DGKZ: variants seen among roughly 807,000 people sequenced by gnomAD.
The protein encoded by DGKZ is DAG kinase zeta.
In DGKZ, 45 loss-of-function variants were observed where a neutral mutation model predicts 142.5. The observed-to-expected ratio is 0.32, with a 90% CI of 0.25 to 0.40. The LOEUF is 0.40. Among genes scored for constraint, DGKZ ranks in the 10% least tolerant of loss-of-function variants. The pLI is 1.00. For missense variants in DGKZ, 755 were observed against 1,306.5 expected (o/e 0.58, Z 6.51); for synonymous variants, 442 against 527.0 (o/e 0.84, Z 2.21).
intron 1 of DGKZ, among the ~76,000 whole-genome samples, chr11:46,355,635 C>G (rs1273132415): frequency 6.6e-6 from 1 of 151,810 alleles, no homozygotes; most frequent in Non-Finnish European, 1.5e-5. Flanking sequence ...CTGTGAAGGC[C>G]TTTGTCCCCT....
At chr11:46,371,969 C>A (rs1035305194) in intron 9 of DGKZ, 106 bp from the exon 10 acceptor site, 23 of 1,266,224 alleles carry the variant, frequency 1.8e-5, no homozygotes, top group Non-Finnish European at 2.6e-5. Flanking sequence ...AGAGATGGTA[C>A]GTGAGGGTAC....
At position 46,366,726 on chromosome 11, in the gene DGKZ, G is replaced by A. The variant is rs577494020; in HGVS notation, c.162-565G>A. 41 of 1,553,732 alleles carry A rather than the reference G, an allele frequency of 2.6e-5. 1 individual carries two copies. The highest frequency in any genetic ancestry group is 9.7e-5 in the Admixed American group (5 of 51,468). On this transcript the variant is annotated intron_variant, in intron 1 of 30. Coordinates refer to ENST00000527911, the Ensembl canonical transcript of DGKZ. ...GCCCAGCCGCTGTTGCCCCTACCCC[G>A]CTACCTGCGCCGAGCCTCCTCCCAC... is the stretch of plus-strand genomic sequence containing the variant.
rs1943408509 is a variant in DGKZ at position 46,367,207 on chromosome 11, G to A, written c.162-84G>A. The A allele has an allele frequency of 8.0e-6, 11 of 1,381,302 alleles. No individual in the cohort carries two copies. The highest frequency in any genetic ancestry group is 2.0e-5 in the Admixed American group (1 of 51,034). 85.6% of individuals were successfully genotyped at this position (1,381,302 alleles called of 1,614,324 possible). ...CCGCCCTCCCTGTTGCCGAGGTCAC[G>A]GAAAGGGCAGAGGCCCCAGGAGGTG... On this transcript the variant is annotated intron_variant, in intron 1 of 30. Transcript: ENST00000527911. This position sits in a 1 kb window ranked among gnomAD's most constrained non-coding sequence, Gnocchi z 4.1.
chr11:46,364,643 G>T (rs1475534210), intron 1 of DGKZ: 2 of 985,298 alleles, frequency 2.0e-6, no homozygotes, highest in Non-Finnish European at 2.4e-6. Context: ...CCTGTACCTG[G>T]CCTGAAGCTG....
At chr11:46,362,509 TAGGCCCTGCC>T (rs1015779528) in intron 1 of DGKZ, among the ~76,000 whole-genome samples, 3 of 152,100 alleles carry the variant, frequency 2.0e-5, no homozygotes, top group Non-Finnish European at 2.9e-5. Flanking sequence ...ATGGTGGGTG[TAGGCCCTGCC>T]AGGCCCTGCT....
intron 14 of DGKZ, among the ~76,000 whole-genome samples, chr11:46,373,591 G>A (rs553578942): frequency 2.0e-4 from 30 of 150,440 alleles, no homozygotes; most frequent in South Asian, 1.7e-3. Flanking sequence ...TCTGCCTCCC[G>A]GGCTCAAGCT....
exon 31 of DGKZ, chr11:46,379,960 G>A (rs763001808): frequency 1.1e-5 from 18 of 1,596,278 alleles, no homozygotes; most frequent in Non-Finnish European, 1.4e-5. Context: ...GGCCGCCCAC[G>A]GGCAGCAGGA....
At position 46,367,894 on chromosome 11, in the gene DGKZ, C is replaced by CCGGTG; in HGVS notation, c.367-107_367-106insGGTGC. ...GGGGTGCAGGGGCTTTGTCCGGATG[C>CCGGTG]CAGGACTGGGGCTTCCCAGTGCACA... On this transcript the variant is annotated intron_variant, in intron 3 of 30. Coordinates refer to ENST00000527911, the Ensembl canonical transcript of DGKZ. This position sits in a 1 kb window ranked among gnomAD's most constrained non-coding sequence, Gnocchi z 4.1. 1 of 1,519,504 alleles carries CCGGTG rather than the reference C, an allele frequency of 6.6e-7. No individual in the cohort carries two copies. Among genetic ancestry groups the CCGGTG allele is most frequent in the Non-Finnish European group, 9.1e-7 (1 of 1,096,326 alleles). 94.1% of individuals were successfully genotyped at this position (1,519,504 alleles called of 1,614,324 possible). A position where few individuals can be genotyped will look rare whatever the true frequency, so the allele number is the denominator to read the frequency against.
intron 25 of DGKZ, 101 bp from the exon 26 acceptor site, chr11:46,378,097 A>G (rs1336110340): frequency 2.3e-5 from 34 of 1,457,240 alleles, no homozygotes; most frequent in Non-Finnish European, 3.0e-5. Context: ...CAGGCACTCA[A>G]TAAACTGTGG....
At chr11:46,343,117 C>G (rs578194833), upstream of DGKZ, among the ~76,000 whole-genome samples, 5 of 149,354 alleles carry the variant, frequency 3.3e-5, no homozygotes, top group African/African-American at 9.9e-5. Flanking sequence ...GAGTGAGGCT[C>G]AGTCTCAAAA....
intron 5 of DGKZ, 103 bp downstream of exon 5, chr11:46,369,653 GC>G: frequency 6.9e-7 from 1 of 1,458,152 alleles, no homozygotes; most frequent in Non-Finnish European, 9.6e-7. Context: ...CTCCCTCTAG[GC>G]TGCTGCTCAC....
At chr11:46,364,941 G>A in intron 1 of DGKZ, 2 of 985,468 alleles carry the variant, frequency 2.0e-6, no homozygotes, top group Non-Finnish European at 2.4e-6. Flanking sequence ...CCCAGGACCA[G>A]GGCCCAGGAG....
upstream of DGKZ, among the ~76,000 whole-genome samples, chr11:46,342,992 C>T (rs1181521192): frequency 1.3e-5 from 2 of 152,052 alleles, no homozygotes; most frequent in African/African-American, 2.4e-5. Context: ...GGCATGGTAG[C>T]GCACGCCTGT....
At chr11:46,352,334 G>C (rs1273153578) in intron 1 of DGKZ, among the ~76,000 whole-genome samples, 2 of 152,224 alleles carry the variant, frequency 1.3e-5, no homozygotes, top group Admixed American at 1.3e-4. Context: ...TGGGAGGCCG[G>C]TGGGCGAGGA....
Position 46,369,929 on chromosome 11 carries a change from C to T in DGKZ, c.502-12C>T. 1 of 1,613,940 alleles carries T rather than the reference C, an allele frequency of 6.2e-7. No homozygotes were observed. Among genetic ancestry groups the T allele is most frequent in the African/African-American group, 1.3e-5 (1 of 75,072 alleles). ...CCCCTCACCCAGTGAAATTTTTCCC[C>T]TTCTCCCCCAGCCAACCTTTGTACG... On this transcript the variant is annotated splice_polypyrimidine_tract_variant and intron_variant, in intron 5 of 30. Coordinates refer to ENST00000527911, the Ensembl canonical transcript of DGKZ.
Position 46,376,151 on chromosome 11 carries a change from G to T in DGKZ, c.2091+6G>T. On this transcript the variant is annotated splice_donor_region_variant and intron_variant, in intron 22 of 30. Transcript: ENST00000527911. Reference sequence around the variant, plus strand: ...ACATTGAGAGACTCCAGCAGGTAAGGGGTGGGGGCTTCCCCAGGTGCCCAC... The same window carrying T: ...ACATTGAGAGACTCCAGCAGGTAAGTGGTGGGGGCTTCCCCAGGTGCCCAC... 1.2e-6 allele frequency: 2 copies of T among 1,611,048 alleles called. No homozygotes were observed. The highest frequency in any genetic ancestry group is 1.7e-6 in the Non-Finnish European group (2 of 1,179,916).
intron 20 of DGKZ, 101 bp from the exon 21 acceptor site, chr11:46,375,750 T>C: frequency 6.7e-7 from 1 of 1,502,592 alleles, no homozygotes; most frequent in Non-Finnish European, 9.0e-7. Context: ...GTGTTGGGAG[T>C]GGAGCGGGAC....
chr11:46,365,772 G>T (rs915402105), intron 1 of DGKZ: 22 of 985,294 alleles, frequency 2.2e-5, no homozygotes, highest in African/African-American at 7.0e-5. Context: ...CAAAACAAAG[G>T]CCCAGCAAGT....
At position 46,367,176 on chromosome 11, in the gene DGKZ, GCTCCTCCGCCCTCC is replaced by G; in HGVS notation, c.162-112_162-99del. 7.9e-7 allele frequency: 1 copy of G among 1,265,922 alleles called. No homozygotes were observed. The highest frequency in any genetic ancestry group is 1.1e-6 in the Non-Finnish European group (1 of 889,730). The allele number at this position is 1,265,922 out of a possible 1,614,324, so 78.4% of individuals were successfully genotyped here. A position where few individuals can be genotyped will look rare whatever the true frequency, so the allele number is the denominator to read the frequency against. On this transcript the variant is annotated intron_variant, in intron 1 of 30. Transcript: ENST00000527911. The surrounding 1 kb of genome is among the most constrained non-coding windows in gnomAD (Gnocchi z 4.1). ...TCTTAGTGTCTGGGGCTGCTGGGAG[GCTCCTCCGCCCTCC>G]CTGTTGCCGAGGTCACGGAAAGGGC...
Sources: gnomAD v4.1 joint callset for allele counts (sites outside exome capture counted in the v4.1 genomes callset) on GRCh38, gnomAD v4.1.1 for gene constraint, Gnocchi (gnomAD v3.1) non-coding constraint, MANE v1.5 for transcripts, NCBI Gene and HGNC (gene_info 2026-07-23, HGNC 2026-07-21) for gene names.